The following PTPRM variants were observed in gnomAD, a reference collection of about 807,000 sequenced individuals.
PTPRM encodes the protein protein tyrosine phosphatase receptor type M, also known as receptor-type tyrosine-protein phosphatase mu.
A neutral mutation model predicts 186.7 loss-of-function variants in PTPRM; 47 were observed. The ratio of observed to expected loss-of-function variants is 0.25; its 90% confidence interval spans 0.20 to 0.32. The LOEUF is 0.32. Among genes scored for constraint, PTPRM ranks in the 10% least tolerant of loss-of-function variants. The pLI, the probability that PTPRM is intolerant of heterozygous loss-of-function variation, is 1.00. For missense variants in PTPRM, 1,494 were observed against 1,865.0 expected, an observed-to-expected ratio of 0.80 and a Z score of 3.66; for synonymous variants, 668 against 674.9, an observed-to-expected ratio of 0.99 and a Z score of 0.16.
chr18:7,707,672 TG>T (rs1315648852), intron 1 of PTPRM, among the ~76,000 whole-genome samples: 2 of 152,098 alleles, frequency 1.3e-5, no homozygotes, highest in Admixed American at 1.3e-4. Flanking sequence ...AAATATCTAC[TG>T]TCTCATACTT....
At chr18:8,059,169 C>T (rs924753285) in intron 7 of PTPRM, among the ~76,000 whole-genome samples, 1 of 151,042 alleles carries the variant, frequency 6.6e-6, no homozygotes, top group Non-Finnish European at 1.5e-5. Flanking sequence ...AGGTCCTTCA[C>T]ATCCCTTGTA....
At chr18:8,150,494 A>G (rs1016660296) in intron 14 of PTPRM, among the ~76,000 whole-genome samples, 18 of 151,906 alleles carry the variant, frequency 1.2e-4, no homozygotes, top group African/African-American at 3.1e-4. Context: ...TTTCAGCTCT[A>G]TGAGGTCATT....
intron 1 of PTPRM, among the ~76,000 whole-genome samples, chr18:7,757,060 G>A (rs1046504386): frequency 6.6e-6 from 1 of 152,076 alleles, no homozygotes; most frequent in Non-Finnish European, 1.5e-5. Context: ...CGGGCCACCT[G>A]TCCTCTGTTA....
Position 7,949,368 on chromosome 18 carries a change from T to A in PTPRM, c.838+13T>A. The A allele has an allele frequency of 6.3e-7, 1 of 1,592,732 alleles. No individual in the cohort carries two copies. The highest frequency in any genetic ancestry group is 1.1e-5 in the South Asian group (1 of 89,166). The stretch of plus-strand genomic sequence containing the variant: ...TTGGTAGTTAAAGGTATTTAATGTG[T>A]TTTTATACCAGAATATTCTTCTAAA... On this transcript the variant is annotated intron_variant, in intron 6 of 32. Coordinates refer to ENST00000580170, the MANE Select transcript of PTPRM (RefSeq NM_001105244.2).
At chr18:8,047,939 G>A (rs910979293) in intron 7 of PTPRM, among the ~76,000 whole-genome samples, 7 of 152,120 alleles carry the variant, frequency 4.6e-5, no homozygotes, top group African/African-American at 7.2e-5. Context: ...GAAGGACTAC[G>A]GAACAGATGA....
chr18:8,231,352 A>G (rs767228090), intron 14 of PTPRM, among the ~76,000 whole-genome samples: 19 of 152,220 alleles, frequency 1.2e-4, no homozygotes, highest in East Asian at 7.7e-4. Flanking sequence ...TCCTCTCCCA[A>G]TTGCCACTCA....
chr18:7,882,438 T>C (rs2048558189), intron 2 of PTPRM, among the ~76,000 whole-genome samples: 1 of 152,114 alleles, frequency 6.6e-6, no homozygotes, highest in Non-Finnish European at 1.5e-5. Flanking sequence ...AATAACCCCA[T>C]AAACTAGAGT....
intron 2 of PTPRM, among the ~76,000 whole-genome samples, chr18:7,801,571 A>C (rs1448573665): frequency 6.6e-6 from 1 of 152,206 alleles, no homozygotes; most frequent in Non-Finnish European, 1.5e-5. Context: ...TAACAACAAA[A>C]GTATAGTATA....
rs1568674278 is a variant in PTPRM, at chr18:8,289,514, G to GTATATATATACATATATATACACATA, written c.2755-6807_2755-6782dup. Among the ~76,000 whole-genome samples, 485 of 89,698 alleles carry GTATATATATACATATATATACACATA rather than the reference G, an allele frequency of 5.4e-3. 2 individuals are homozygous for GTATATATATACATATATATACACATA. The highest frequency in any genetic ancestry group is 6.4e-3 in the African/African-American group (134 of 20,796). 58.8% of individuals were successfully genotyped at this position (89,698 alleles called of 152,430 possible). A position where few individuals can be genotyped will look rare whatever the true frequency, so the allele number is the denominator to read the frequency against. ...CATATATGTATATATGTGTGTGTAT[G>GTATATATATACATATATATACACATA]TATATATATACATATATATACACAT... On this transcript the variant is annotated intron_variant, in intron 19 of 32. Transcript: ENST00000580170.
chr18:7,885,514 A>G (rs1369090415), intron 2 of PTPRM, among the ~76,000 whole-genome samples: 1 of 152,162 alleles, frequency 6.6e-6, no homozygotes, highest in Non-Finnish European at 1.5e-5. Flanking sequence ...ACTTCACAAC[A>G]TGAATGTCCT....
At chr18:8,124,795 A>G (rs2092286416) in intron 13 of PTPRM, among the ~76,000 whole-genome samples, 1 of 152,168 alleles carries the variant, frequency 6.6e-6, no homozygotes, top group African/African-American at 2.4e-5. Flanking sequence ...TGTCCCTTCC[A>G]GAAGCCAATA....
chr18:7,732,101 G>A (rs981617458), intron 1 of PTPRM, among the ~76,000 whole-genome samples: 1 of 152,140 alleles, frequency 6.6e-6, no homozygotes, highest in South Asian at 2.1e-4. Flanking sequence ...AAATAAGAAT[G>A]GTGTAAGCAA....
chr18:7,795,275 C>T (rs377448565), intron 2 of PTPRM, among the ~76,000 whole-genome samples: 44 of 152,186 alleles, frequency 2.9e-4, no homozygotes, highest in African/African-American at 9.6e-4. Flanking sequence ...TCTCTCTGAC[C>T]GTAGCCTGGT....
At chr18:8,117,764 C>T (rs919061434) in intron 13 of PTPRM, among the ~76,000 whole-genome samples, 1 of 152,156 alleles carries the variant, frequency 6.6e-6, no homozygotes, top group Non-Finnish European at 1.5e-5. Context: ...AAGATAAAGA[C>T]ACCATAAACC....
chr18:8,148,802 T>G (rs2092940269), intron 14 of PTPRM, among the ~76,000 whole-genome samples: 1 of 152,158 alleles, frequency 6.6e-6, no homozygotes, highest in East Asian at 1.9e-4. Flanking sequence ...CTATAAATTT[T>G]CCACTACACA....
chr18:8,387,653 C>T (rs570745254), intron 31 of PTPRM, among the ~76,000 whole-genome samples: 140 of 152,250 alleles, frequency 9.2e-4, no homozygotes, highest in African/African-American at 3.2e-3. Flanking sequence ...CTCAGGGCTC[C>T]TTCCCACCAG....
chr18:8,355,583 T>C (rs1445038862), intron 23 of PTPRM, among the ~76,000 whole-genome samples: 1 of 152,128 alleles, frequency 6.6e-6, no homozygotes, highest in Non-Finnish European at 1.5e-5. Flanking sequence ...AGGGCCACAC[T>C]GGAGATACTG....
At chr18:8,360,767 T>G (rs1039092716) in intron 23 of PTPRM, 1 of 152,268 alleles carries the variant, frequency 6.6e-6, no homozygotes, top group African/African-American at 2.4e-5. Flanking sequence ...TGGATTTACA[T>G]CTTTTAGCTT....
chr18:8,102,206 T>C (rs1432187529), intron 11 of PTPRM, among the ~76,000 whole-genome samples: 3 of 152,226 alleles, frequency 2.0e-5, no homozygotes, highest in Non-Finnish European at 4.4e-5. Context: ...CTTTCCTCAA[T>C]ATGGATGGTT....
Sources: gnomAD v4.1 joint callset for allele counts (sites outside exome capture counted in the v4.1 genomes callset) on GRCh38, gnomAD v4.1.1 for gene constraint, MANE v1.5 for transcripts, NCBI Gene and HGNC (gene_info 2026-07-23, HGNC 2026-07-21) for gene names.